The following U2AF2 variants were observed in gnomAD, a reference collection of about 807,000 sequenced individuals.
U2AF2 encodes U2 small nuclear RNA auxiliary factor 2, also known as splicing factor U2AF 65 kDa subunit.
Under a neutral mutation model 52.6 loss-of-function variants are expected in U2AF2, and 6 were observed. The ratio of observed to expected loss-of-function variants is 0.11; its 90% CI spans 0.06 to 0.23. The LOEUF is 0.23. Ranked by LOEUF, U2AF2 falls within the 10% of genes least tolerant of loss-of-function variation. The pLI is 1.00. For synonymous variants in U2AF2, 284 were observed against 258.2 expected (o/e 1.10, Z -0.96); for missense variants, 222 against 677.1 (o/e 0.33, Z 7.46).
chr19:55,658,972 G>T, intron 1 of U2AF2: 1 of 482,714 alleles, frequency 2.1e-6, no homozygotes, highest in Non-Finnish European at 3.3e-6. Context: ...CTCCTCCTGA[G>T]CATCCTCAGG....
chr19:55,662,279 C>T (rs753008331), intron 5 of U2AF2: 7 of 455,768 alleles, frequency 1.5e-5, no homozygotes, highest in South Asian at 4.0e-5. Flanking sequence ...TGCCCTTGGC[C>T]GTCTCTTGCT....
At position 55,655,698 on chromosome 19, in the gene U2AF2, C is replaced by T. The variant is rs367975245; in HGVS notation, c.49+545C>T. Among the ~76,000 whole-genome samples the T allele has an allele frequency of 2.0e-4, 30 of 152,356 alleles. No individual in the cohort carries two copies. The South Asian group carries it at 2.7e-3, about 14-fold the overall frequency. On this transcript the variant is annotated intron_variant, in intron 1 of 11. Transcript: ENST00000308924. The stretch of plus-strand genomic sequence containing the variant: ...GCGGATGCTTGGAGGCCACGGGCCC[C>T]TCGCGTACCCCTTTTCCTTTTTGCT...
chr19:55,663,371 A>G (rs753883283), intron 6 of U2AF2, among the ~76,000 whole-genome samples: 1 of 152,014 alleles, frequency 6.6e-6, no homozygotes, highest in African/African-American at 2.4e-5. Context: ...ACAGCCTGCA[A>G]TTGTGTGTTT....
Position 55,669,346 on chromosome 19 carries a change from G to C in U2AF2, c.1045-98G>C, listed in dbSNP as rs373107384. The C allele has an allele frequency of 2.5e-4, 386 of 1,542,628 alleles. 4 individuals are homozygous for C. In the East Asian group the frequency reaches 7.5e-3, roughly 30 times the overall value. On this transcript the variant is annotated intron_variant, in intron 10 of 11. Coordinates refer to ENST00000308924, the MANE Select transcript of U2AF2 (RefSeq NM_007279.3). ...TTTAGGTGTTGGAAGTGGAGAGATGGCCTTTCCCCTGGGGGGGCATGTGAG... is the reference window on the plus strand; with the variant it reads ...TTTAGGTGTTGGAAGTGGAGAGATGCCCTTTCCCCTGGGGGGGCATGTGAG...
chr19:55,673,418 C>T (rs1362117975), intron 11 of U2AF2, among the ~76,000 whole-genome samples: 1 of 151,916 alleles, frequency 6.6e-6, no homozygotes, highest in African/African-American at 2.4e-5. Context: ...GTATCCTTCC[C>T]TCCCTCCATT....
chr19:55,670,693 G>T, intron 11 of U2AF2: 1 of 222,672 alleles, frequency 4.5e-6, no homozygotes. Flanking sequence ...GGGCTGAGTG[G>T]CAGGCCTTGG....
At chr19:55,662,951 C>T (rs930924744) in intron 6 of U2AF2, among the ~76,000 whole-genome samples, 1 of 152,104 alleles carries the variant, frequency 6.6e-6, no homozygotes, top group South Asian at 2.1e-4. Context: ...GGCTAGAGTT[C>T]TTTACACCAG....
At chr19:55,664,701 C>T (rs1984430750) in intron 7 of U2AF2, among the ~76,000 whole-genome samples, 1 of 152,108 alleles carries the variant, frequency 6.6e-6, no homozygotes, top group Non-Finnish European at 1.5e-5. Context: ...CCCTCACTGG[C>T]CTCCAGTGCT....
At chr19:55,663,253 G>T (rs1286034278) in intron 6 of U2AF2, among the ~76,000 whole-genome samples, 1 of 152,122 alleles carries the variant, frequency 6.6e-6, no homozygotes, top group East Asian at 1.9e-4. Flanking sequence ...CCGGAGATGG[G>T]CTGAAATGTC....
chr19:55,667,103 C>G (rs981807076), intron 7 of U2AF2, among the ~76,000 whole-genome samples: 1 of 152,034 alleles, frequency 6.6e-6, no homozygotes, highest in Non-Finnish European at 1.5e-5. Context: ...TCTGTGTGGC[C>G]CCAGTCTGGT....
chr19:55,659,462 G>C, intron 2 of U2AF2, 117 bp downstream of exon 2: 1 of 1,265,784 alleles, frequency 7.9e-7, no homozygotes, highest in South Asian at 2.2e-5. Context: ...TGGCTCGTTC[G>C]TTCTTTGTGT....
intron 2 of U2AF2, among the ~76,000 whole-genome samples, chr19:55,659,603 G>T (rs1984029315): frequency 6.6e-6 from 1 of 151,938 alleles, no homozygotes; most frequent in South Asian, 2.1e-4. Context: ...TCTTTATCTG[G>T]AGCCTGGGAA....
At position 55,674,295 on chromosome 19, in the gene U2AF2, C is replaced by G. The variant is rs1226449858; in HGVS notation, c.*227C>G. 1.9e-6 allele frequency: 1 copy of G among 521,424 alleles called. No individual in the cohort carries two copies. The highest frequency in any genetic ancestry group is 3.4e-6 in the Non-Finnish European group (1 of 292,280). 32.3% of individuals were successfully genotyped at this position (521,424 alleles called of 1,614,324 possible). A position where few individuals can be genotyped will look rare whatever the true frequency, so the allele number is the denominator to read the frequency against. On this transcript the variant is annotated 3_prime_UTR_variant, in exon 12 of 12. Transcript: ENST00000308924. ...GAAGTGCGCACACAGCCCACACAGACAACACGCACCCACACAGACACAGAG... is the reference window on the plus strand; with the variant it reads ...GAAGTGCGCACACAGCCCACACAGAGAACACGCACCCACACAGACACAGAG...
Position 55,660,517 on chromosome 19 carries a change from C to CCGCGGG in U2AF2, c.232_233insCGCGGG (p.Arg78delinsProArgGly). ...GCTCTCCCCTCCCACCTCCCCCAGT[C>CCGCGGG]GTTCCCCCCGCCACGAGAAGAAGAA... On this transcript the variant is annotated protein_altering_variant and splice_region_variant, in exon 4 of 12. Transcript: ENST00000308924. 1 of 968,828 alleles carries CCGCGGG rather than the reference C, an allele frequency of 1.0e-6. No homozygotes were observed. Among genetic ancestry groups the CCGCGGG allele is most frequent in the Non-Finnish European group, 1.5e-6 (1 of 656,050 alleles). 60.0% of individuals were successfully genotyped at this position (968,828 alleles called of 1,614,324 possible).
chr19:55,660,461 A>T, intron 3 of U2AF2, 55 bp from the exon 4 acceptor site: 2 of 1,167,848 alleles, frequency 1.7e-6, no homozygotes, highest in Non-Finnish European at 2.5e-6. Flanking sequence ...TCGCAGGCCC[A>T]CTGTTGGTCA....
In U2AF2 at chr19:55,659,259, G is replaced by T. The variant is rs1403095968; in HGVS notation, c.99G>T (p.Arg33=). ...GGAAGCGCAGCCACAGCCGCTCTCG[G>T]AGCCGGGACCGCAAACGCCGGAGCC... ...RHRKRSHSRS[R]SRDRKRRSRS... The change falls in exon 2 of 12, where the codon CGG becomes CGT. Residue 33 remains arginine (R), a synonymous_variant. Coordinates refer to ENST00000308924, the MANE Select transcript of U2AF2 (RefSeq NM_007279.3). 1 of 1,603,888 alleles carries T rather than the reference G, an allele frequency of 6.2e-7. No homozygotes were observed. Among genetic ancestry groups the T allele is most frequent in the Non-Finnish European group, 8.5e-7 (1 of 1,174,616 alleles).
In U2AF2 at chr19:55,659,314, C is replaced by T. The variant is rs778242345; in HGVS notation, c.154C>T (p.Arg52Trp). The T allele has an allele frequency of 2.5e-6, 4 of 1,575,832 alleles. No homozygotes were observed. Among genetic ancestry groups the T allele is most frequent in the Non-Finnish European group, 2.6e-6 (3 of 1,158,950 alleles). ...CCGCGACCGGCGCAACCGGGACCAGCGGAGCGCCTCCCGGGACAGGCGACG... is the reference window on the plus strand; with the variant it reads ...CCGCGACCGGCGCAACCGGGACCAGTGGAGCGCCTCCCGGGACAGGCGACG... Reference protein sequence around the residue: ...RSRDRRNRDQRSASRDRRRRS... With the variant: ...RSRDRRNRDQWSASRDRRRRS... The change falls in exon 2 of 12, where the codon CGG (arginine) becomes TGG (tryptophan). Residue 52 changes from arginine (R) to tryptophan (W), a missense_variant. Arg to Trp is a moderately radical substitution (Grantham distance 101, BLOSUM62 -3). This residue lies in a region of U2AF2 where 100 missense variants were observed against 144.1 expected (regional missense o/e 0.69). Transcript: ENST00000308924.
intron 1 of U2AF2, among the ~76,000 whole-genome samples, chr19:55,655,825 C>T (rs1260389426): frequency 1.3e-5 from 2 of 152,234 alleles, no homozygotes; most frequent in African/African-American, 2.4e-5. Context: ...AAAGCATCTG[C>T]ATTCTTTGAG....
chr19:55,672,391 A>G (rs1340601835), intron 11 of U2AF2, among the ~76,000 whole-genome samples: 1 of 151,928 alleles, frequency 6.6e-6, no homozygotes, highest in Non-Finnish European at 1.5e-5. Context: ...ATTTCACCTG[A>G]GATCCTTAAG....
Sources: allele counts gnomAD v4.1 joint callset (sites outside exome capture counted in the v4.1 genomes callset), GRCh38; gene constraint gnomAD v4.1.1; regional missense constraint gnomAD v4.1.1; transcripts MANE v1.5; gene names NCBI Gene and HGNC (gene_info 2026-07-23, HGNC 2026-07-21).